DRC11: variants seen among roughly 807,000 people sequenced by gnomAD.
The protein encoded by DRC11 is IQ and AAA domain-containing protein 1.
the DRC11 span, among the ~76,000 whole-genome samples, chr2:236,383,768 C>T: frequency 5.3e-5 from 8 of 152,042 alleles, no homozygotes; most frequent in East Asian, 1.9e-4. Context: ...CACCCACTAA[C>T]GCATCATCTA....
chr2:236,368,516 G>C, the DRC11 span: 1 of 516,588 alleles, frequency 1.9e-6, no homozygotes. Context: ...CTACTAGCTA[G>C]AGTAAACTGG....
chr2:236,354,230 A>G, the DRC11 span, among the ~76,000 whole-genome samples: 6 of 57,022 alleles, frequency 1.1e-4, no homozygotes, highest in African/African-American at 5.6e-4. Context: ...GCATGTGCGT[A>G]TGTTAGTATG....
the DRC11 span, among the ~76,000 whole-genome samples, chr2:236,500,262 G>A: frequency 2.6e-5 from 4 of 152,184 alleles, no homozygotes; most frequent in Admixed American, 1.3e-4. The surrounding 1 kb of genome is among the most constrained non-coding windows in gnomAD (Gnocchi z 6.3). Flanking sequence ...CTGAGGCAAA[G>A]AGAAGTTACT....
the DRC11 span, among the ~76,000 whole-genome samples, chr2:236,307,644 T>C: frequency 1.3e-5 from 2 of 152,066 alleles, no homozygotes; most frequent in South Asian, 2.1e-4. The surrounding 1 kb of genome is among the most constrained non-coding windows in gnomAD (Gnocchi z 7.0). Flanking sequence ...TCTAGGATCA[T>C]CTAAGGCAGG....
At chr2:236,317,491 A>C in the DRC11 span, among the ~76,000 whole-genome samples, 1 of 152,198 alleles carries the variant, frequency 6.6e-6, no homozygotes, top group East Asian at 1.9e-4. The surrounding 1 kb of genome is among the most constrained non-coding windows in gnomAD (Gnocchi z 5.4). Flanking sequence ...TTCCATGTAC[A>C]TAAAGTTCAA....
At chr2:236,382,927 G>C in the DRC11 span, among the ~76,000 whole-genome samples, 1 of 152,082 alleles carries the variant, frequency 6.6e-6, no homozygotes, top group South Asian at 2.1e-4. Context: ...TACAAAAACA[G>C]TACAGAAATA....
the DRC11 span, among the ~76,000 whole-genome samples, chr2:236,447,968 G>A: frequency 3.3e-5 from 5 of 152,188 alleles, no homozygotes; most frequent in Non-Finnish European, 7.3e-5. The surrounding 1 kb of genome is among the most constrained non-coding windows in gnomAD (Gnocchi z 4.6). Flanking sequence ...ACAGTTCGCA[G>A]ATAATCAAGT....
the DRC11 span, among the ~76,000 whole-genome samples, chr2:236,357,357 A>G: frequency 8.4e-6 from 1 of 119,754 alleles, no homozygotes; most frequent in East Asian, 2.4e-4. Flanking sequence ...TTATATGTAT[A>G]TATATTATAA....
the DRC11 span, among the ~76,000 whole-genome samples, chr2:236,357,516 ATATT>A: frequency 3.1e-5 from 4 of 127,044 alleles, no homozygotes; most frequent in African/African-American, 9.5e-5. Context: ...TATTATAAAT[ATATT>A]TATATATTAT....
the DRC11 span, among the ~76,000 whole-genome samples, chr2:236,346,035 C>T: frequency 1.3e-5 from 2 of 152,200 alleles, no homozygotes; most frequent in Non-Finnish European, 2.9e-5. Flanking sequence ...GCTGGCCCAA[C>T]GCCTGGGCCG....
chr2:236,476,716 G>A, the DRC11 span, among the ~76,000 whole-genome samples: 1 of 151,634 alleles, frequency 6.6e-6, no homozygotes, highest in African/African-American at 2.4e-5. This position sits in a 1 kb window ranked among gnomAD's most constrained non-coding sequence, Gnocchi z 4.7. Context: ...CATGGTGAAT[G>A]ACCTTTCTTT....
At chr2:236,387,870 T>A in the DRC11 span, among the ~76,000 whole-genome samples, 16 of 152,166 alleles carry the variant, frequency 1.1e-4, 1 homozygote, top group Middle Eastern at 3.2e-3. Flanking sequence ...GGTGACAAAA[T>A]CTGCAGCATT....
At chr2:236,505,366 A>G in the DRC11 span, among the ~76,000 whole-genome samples, 190 of 152,266 alleles carry the variant, frequency 1.2e-3, 1 homozygote, top group Non-Finnish European at 2.2e-3. Flanking sequence ...AACCTTCTGA[A>G]TCTTCCAATC....
At chr2:236,358,095 CATATGAATATATATT>C in the DRC11 span, among the ~76,000 whole-genome samples, 1 of 107,290 alleles carries the variant, frequency 9.3e-6, no homozygotes, top group Non-Finnish European at 1.7e-5. Context: ...AGATATATAC[CATATGAATATATATT>C]ATACACTATA....
the DRC11 span, among the ~76,000 whole-genome samples, chr2:236,365,108 T>C: frequency 1.8e-4 from 28 of 152,118 alleles, no homozygotes; most frequent in African/African-American, 6.5e-4. This position sits in a 1 kb window ranked among gnomAD's most constrained non-coding sequence, Gnocchi z 7.4. Flanking sequence ...GGCTGCTCTG[T>C]GGTAGCCCTG....
the DRC11 span, among the ~76,000 whole-genome samples, chr2:236,448,373 T>C: frequency 6.6e-6 from 1 of 152,236 alleles, no homozygotes; most frequent in Non-Finnish European, 1.5e-5. This position sits in a 1 kb window ranked among gnomAD's most constrained non-coding sequence, Gnocchi z 5.3. Flanking sequence ...AGTATATTTT[T>C]AATTATTTAC....
chr2:236,380,789 C>T, the DRC11 span, among the ~76,000 whole-genome samples: 7 of 152,126 alleles, frequency 4.6e-5, no homozygotes, highest in South Asian at 2.1e-4. The surrounding 1 kb of genome is among the most constrained non-coding windows in gnomAD (Gnocchi z 4.9). Context: ...TTTTCATGAA[C>T]GTAGGGACTG....
the DRC11 span, among the ~76,000 whole-genome samples, chr2:236,485,486 G>A: frequency 1.3e-5 from 2 of 152,056 alleles, no homozygotes; most frequent in African/African-American, 2.4e-5. Flanking sequence ...ATACACCTTA[G>A]GTCAATGCTG....
At chr2:236,427,173 G>T in the DRC11 span, among the ~76,000 whole-genome samples, 6 of 151,988 alleles carry the variant, frequency 3.9e-5, no homozygotes, top group African/African-American at 1.4e-4. This position sits in a 1 kb window ranked among gnomAD's most constrained non-coding sequence, Gnocchi z 5.9. Context: ...TCTTGAATTT[G>T]GTTTGCTAGT....
Sources: allele counts gnomAD v4.1 joint callset (sites outside exome capture counted in the v4.1 genomes callset), GRCh38; gene constraint gnomAD v4.1.1; non-coding constraint Gnocchi (gnomAD v3.1); transcripts MANE v1.5; gene names NCBI Gene and HGNC (gene_info 2026-07-23, HGNC 2026-07-21).